MERTK: variants seen among roughly 807,000 people sequenced by gnomAD.
MERTK encodes tyrosine-protein kinase Mer.
MERTK carries 69 observed loss-of-function variants against 99.3 expected under a neutral mutation model. That is an observed-to-expected ratio of 0.70 (90% confidence interval 0.57 to 0.85). MERTK has a LOEUF of 0.85. MERTK is among the 40% of genes least tolerant of loss of function. MERTK has a pLI of 0.00. For missense variants in MERTK, 1,125 were observed against 1,249.4 expected (o/e 0.90, Z 1.50); for synonymous variants, 426 against 467.6 (o/e 0.91, Z 1.15).
intron 4 of MERTK, among the ~76,000 whole-genome samples, chr2:111,948,976 T>A (rs146877475): frequency 2.6e-5 from 4 of 152,068 alleles, no homozygotes; most frequent in African/African-American, 9.6e-5. Flanking sequence ...CCATCCTGCT[T>A]GTTAGGCACG....
intron 1 of MERTK, among the ~76,000 whole-genome samples, chr2:111,902,074 A>G (rs1031944214): frequency 1.3e-5 from 2 of 152,156 alleles, no homozygotes; most frequent in African/African-American, 4.8e-5. Context: ...TGGTAGAGAC[A>G]GGGTTTCTCC....
chr2:112,001,094 A>G (rs1199796366), intron 10 of MERTK, 107 bp from the exon 11 acceptor site: 1 of 824,632 alleles, frequency 1.2e-6, no homozygotes, highest in African/African-American at 1.7e-5. Context: ...CTTTTGTTGT[A>G]GAAGAGCCCA....
chr2:111,981,685 G>A (rs543233308), intron 7 of MERTK, among the ~76,000 whole-genome samples: 1 of 152,164 alleles, frequency 6.6e-6, no homozygotes, highest in South Asian at 2.1e-4. Context: ...AAAAAAGACT[G>A]TAGTAATGAT....
At position 111,937,563 on chromosome 2, in the gene MERTK, G is replaced by A. The variant is rs547355566; in HGVS notation, c.483-7397G>A. 2.6e-5 allele frequency among the ~76,000 whole-genome samples: 4 copies of A among 152,150 alleles called. No homozygotes were observed. In the East Asian group the frequency reaches 5.8e-4, roughly 22 times the overall value. ...CTGGTACTGTGGATGCTGTGTTTTC[G>A]GGGCCCCCATGGGCTCTCTGTGCTG... On this transcript the variant is annotated intron_variant, in intron 2 of 18. Transcript: ENST00000295408.
intron 17 of MERTK, 149 bp downstream of exon 17, chr2:112,021,730 C>T (rs1677355270): frequency 1.8e-5 from 13 of 727,656 alleles, no homozygotes; most frequent in Non-Finnish European, 3.1e-5. Flanking sequence ...ATCTTACCAT[C>T]AGATACTTTA....
intron 3 of MERTK, among the ~76,000 whole-genome samples, chr2:111,945,478 G>A (rs972432144): frequency 6.6e-5 from 10 of 152,236 alleles, no homozygotes; most frequent in Non-Finnish European, 1.2e-4. Context: ...TCTTGCCTAT[G>A]CAGACAGTGA....
intron 9 of MERTK, chr2:111,994,785 GAAA>G (rs11287004): frequency 1.0e-4 from 19 of 181,426 alleles, no homozygotes; most frequent in East Asian, 1.5e-4. Flanking sequence ...CTCAAAAAAA[GAAA>G]AAAAAAAAAA....
At position 111,898,607 on chromosome 2, in the gene MERTK, A is replaced by C. The variant is rs1176871681; in HGVS notation, c.-129A>C. On this transcript the variant is annotated 5_prime_UTR_variant, in exon 1 of 19. Transcript: ENST00000295408. ...CTCCCGCCGGCCGCTTGGCTCCGCC[A>C]CTCGGCACTCACTGCCCGGGCCGCC... 97 of 1,038,354 alleles carry C rather than the reference A, an allele frequency of 9.3e-5. No individual in the cohort carries two copies. Among genetic ancestry groups the C allele is most frequent in the East Asian group, 3.5e-4 (11 of 31,596 alleles). The allele number at this position is 1,038,354 out of a possible 1,614,324, so 64.3% of individuals were successfully genotyped here. A position where few individuals can be genotyped will look rare whatever the true frequency, so the allele number is the denominator to read the frequency against.
chr2:111,993,643 G>A (rs1216972981), intron 8 of MERTK, among the ~76,000 whole-genome samples: 1 of 152,064 alleles, frequency 6.6e-6, no homozygotes, highest in East Asian at 1.9e-4. Flanking sequence ...TAAACCCTTA[G>A]TTCTGGTTAT....
At chr2:111,907,982 A>G (rs1684167170) in intron 1 of MERTK, among the ~76,000 whole-genome samples, 1 of 152,130 alleles carries the variant, frequency 6.6e-6, no homozygotes, top group South Asian at 2.1e-4. Context: ...TGTCCAAGCT[A>G]TTCTGTGCCA....
chr2:112,009,281 G>T (rs1021813327), intron 14 of MERTK, among the ~76,000 whole-genome samples: 6 of 152,146 alleles, frequency 3.9e-5, no homozygotes, highest in Non-Finnish European at 7.4e-5. Flanking sequence ...GGCTTCAGCC[G>T]ACTATGAGAA....
At chr2:112,023,005 C>T (rs1047605623) in intron 18 of MERTK, among the ~76,000 whole-genome samples, 2 of 152,098 alleles carry the variant, frequency 1.3e-5, no homozygotes, top group Admixed American at 1.3e-4. Flanking sequence ...GGGCTGGGCG[C>T]AGTGGCTCAT....
intron 9 of MERTK, 194 bp from the exon 10 acceptor site, chr2:111,997,129 C>A: frequency 1.3e-6 from 1 of 760,560 alleles, no homozygotes; most frequent in Non-Finnish European, 2.4e-6. Context: ...ATGAGTAAAT[C>A]AAGCTAGTTT....
intron 18 of MERTK, chr2:112,024,911 CAG>C (rs1573651194): frequency 6.5e-6 from 1 of 154,304 alleles, no homozygotes; most frequent in African/African-American, 2.4e-5. Flanking sequence ...GCCTGGGAAA[CAG>C]AGCAAGATCC....
intron 2 of MERTK, chr2:111,940,329 G>A: frequency 4.1e-6 from 2 of 491,910 alleles, no homozygotes; most frequent in Non-Finnish European, 8.0e-6. Flanking sequence ...CCAGCCTGTG[G>A]TCTGTCCTTG....
rs70962971 is a variant in MERTK, at chr2:111,976,522, C to CTGTGTGTG, written c.1144+1092_1144+1099dup. Among the ~76,000 whole-genome samples the CTGTGTGTG allele has an allele frequency of 2.7e-3, 366 of 136,780 alleles. 2 individuals carry two copies. Among genetic ancestry groups the CTGTGTGTG allele is most frequent in the African/African-American group, 6.9e-3 (244 of 35,614 alleles). 89.7% of individuals were successfully genotyped at this position (136,780 alleles called of 152,430 possible). A position where few individuals can be genotyped will look rare whatever the true frequency, so the allele number is the denominator to read the frequency against. Reference sequence around the variant, plus strand: ...GTAAGCCAGAAATCATGACAAAAACCTGTGTGTGTGTGTGTGTGTGTGTGT... The same window carrying CTGTGTGTG: ...GTAAGCCAGAAATCATGACAAAAACCTGTGTGTGTGTGTGTGTGTGTGTGTGTGTGTGT... On this transcript the variant is annotated intron_variant, in intron 7 of 18. Transcript: ENST00000295408.
chr2:111,924,361 G>A (rs1375442861), intron 1 of MERTK, among the ~76,000 whole-genome samples: 1 of 152,120 alleles, frequency 6.6e-6, no homozygotes, highest in Non-Finnish European at 1.5e-5. Flanking sequence ...CCACTCCTGA[G>A]AACTCTCCTT....
At chr2:111,918,989 G>T (rs975010428) in intron 1 of MERTK, among the ~76,000 whole-genome samples, 1 of 152,182 alleles carries the variant, frequency 6.6e-6, no homozygotes, top group Non-Finnish European at 1.5e-5. Context: ...CAACCCCAGA[G>T]CCCCAAAGGC....
intron 4 of MERTK, among the ~76,000 whole-genome samples, chr2:111,959,764 G>A (rs1558786626): frequency 6.6e-6 from 1 of 151,990 alleles, no homozygotes; most frequent in African/African-American, 2.4e-5. Context: ...TGTAGTGCTG[G>A]GATTACAGGA....
Sources: gnomAD v4.1 joint callset for allele counts (sites outside exome capture counted in the v4.1 genomes callset) on GRCh38, gnomAD v4.1.1 for gene constraint, MANE v1.5 for transcripts, NCBI Gene and HGNC (gene_info 2026-07-23, HGNC 2026-07-21) for gene names.